The following GPRC5D variants were observed in gnomAD, a reference collection of about 807,000 sequenced individuals.
The protein encoded by GPRC5D is G protein-coupled receptor family C group 5 member D.
A neutral mutation model predicts 29.3 loss-of-function variants in GPRC5D; 20 were observed. The ratio of observed to expected loss-of-function variants is 0.68; its 90% CI spans 0.48 to 0.99. The LOEUF (loss-of-function observed/expected upper bound fraction) is 0.99. GPRC5D is among the 50% of genes least tolerant of loss of function. The pLI is 0.00. For synonymous variants in GPRC5D, 178 were observed against 171.3 expected (o/e 1.04, Z -0.30); for missense variants, 384 against 423.6 (o/e 0.91, Z 0.82).
chr12:12,949,974 A>G (rs1565480596), exon 1 of GPRC5D: 11 of 1,614,008 alleles, frequency 6.8e-6, no homozygotes, highest in Non-Finnish European at 9.3e-6. Context: ...TTTGCAACAG[A>G]CTGCAACCAA....
chr12:12,940,772 G>C (rs757604873), downstream of GPRC5D: 5 of 1,580,924 alleles, frequency 3.2e-6, no homozygotes, highest in East Asian at 1.1e-4. Flanking sequence ...GTTTCCTGTA[G>C]ATTTATACTC....
At chr12:12,951,997 A>G (rs1432934013), upstream of GPRC5D, 2 of 152,144 alleles carry the variant, frequency 1.3e-5, no homozygotes, top group African/African-American at 2.4e-5. Flanking sequence ...AAAAAAATCA[A>G]TTGCAATTGA....
intron 1 of GPRC5D, chr12:12,948,439 G>T (rs1244392820): frequency 1.9e-5 from 3 of 154,346 alleles, no homozygotes; most frequent in African/African-American, 7.2e-5. Context: ...ACTAGCCACA[G>T]ATTACAGCTC....
chr12:12,945,787 T>C (rs972966774), intron 1 of GPRC5D, among the ~76,000 whole-genome samples: 5 of 152,360 alleles, frequency 3.3e-5, no homozygotes, highest in Admixed American at 3.3e-4. Flanking sequence ...CCTAACAATA[T>C]GCTGAGCATG....
chr12:12,949,071 T>A (rs924445737), intron 1 of GPRC5D, among the ~76,000 whole-genome samples: 4 of 152,224 alleles, frequency 2.6e-5, no homozygotes, highest in African/African-American at 9.6e-5. Context: ...AAAATGTCCA[T>A]CACTGCTGCC....
At chr12:12,948,706 C>T (rs1428476960) in intron 1 of GPRC5D, 4 of 152,152 alleles carry the variant, frequency 2.6e-5, no homozygotes, top group Non-Finnish European at 4.4e-5. Flanking sequence ...GCCACTATTT[C>T]CCCCAGGTTG....
In GPRC5D at chr12:12,942,280, C is replaced by T. The variant is rs148322311; in HGVS notation, c.944G>A (p.Gly315Asp). The T allele has an allele frequency of 2.3e-4, 369 of 1,610,284 alleles. No individual in the cohort carries two copies. Among genetic ancestry groups the T allele is most frequent in the Non-Finnish European group, 3.0e-4 (348 of 1,176,482 alleles). The change falls in exon 2 of 3, where the codon GGT becomes GAT. Residue 315 changes from glycine (G) to aspartate (D), a missense_variant. Coordinates refer to ENST00000228887, the Ensembl canonical transcript of GPRC5D. ...ATTTACCTGCGGCTGAATGGGAGTA[C>T]CATATGAAGTTAATGCTACATCCTC...
chr12:12,950,383 A>T, exon 1 of GPRC5D: 1 of 1,593,706 alleles, frequency 6.3e-7, no homozygotes, highest in Non-Finnish European at 8.5e-7. Context: ...GTCCTTGTAC[A>T]TGGTGACTTA....
At chr12:12,945,007 CTTTCTCTCTTTCTT>C (rs1182233151) in intron 1 of GPRC5D, among the ~76,000 whole-genome samples, 1 of 143,774 alleles carries the variant, frequency 7.0e-6, no homozygotes, top group East Asian at 2.0e-4. Flanking sequence ...CTCTCTTTCT[CTTTCTCTCTTTCTT>C]TCTTTCGAGT....
chr12:12,944,786 TTCCTTCCTTCCTTCCC>T (rs1565476914), intron 1 of GPRC5D, among the ~76,000 whole-genome samples: 9 of 33,978 alleles, frequency 2.6e-4, no homozygotes, highest in Non-Finnish European at 7.1e-4. Context: ...CCTTCCTTCC[TTCCTTCCTTCCTTCCC>T]TTCCTTCCTT....
intron 1 of GPRC5D, among the ~76,000 whole-genome samples, chr12:12,944,821 CCTTCCTTCCTTCCTTCCTTCCTTCCT>C (rs1309654236): frequency 0.054 from 722 of 13,330 alleles, 51 homozygotes; most frequent in Non-Finnish European, 0.098. Flanking sequence ...TTCCTTCCTT[CCTTCCTTCCTTCCTTCCTTCCTTCCT>C]TCCTTCTTTC....
chr12:12,951,994 T>C (rs1863509175), upstream of GPRC5D: 1 of 151,722 alleles, frequency 6.6e-6, no homozygotes. Flanking sequence ...AAAAAAAAAA[T>C]CAATTGCAAT....
chr12:12,945,644 G>GATC (rs1364083022), intron 1 of GPRC5D, among the ~76,000 whole-genome samples: 4 of 152,058 alleles, frequency 2.6e-5, no homozygotes, highest in Admixed American at 6.6e-5. Context: ...ATAATCCCAG[G>GATC]ATCATGTAAA....
intron 1 of GPRC5D, among the ~76,000 whole-genome samples, chr12:12,945,521 G>A (rs1171927151): frequency 6.6e-6 from 1 of 151,880 alleles, no homozygotes; most frequent in Non-Finnish European, 1.5e-5. Context: ...TTATTTTGAA[G>A]GTTAGTTATC....
chr12:12,949,485 T>C lies in GPRC5D; in HGVS notation c.895+5A>G, dbSNP rs1459626491. On this transcript the variant is annotated splice_donor_5th_base_variant and intron_variant, in intron 1 of 2. Transcript: ENST00000228887. ...CCCTGCTCCCTGAATCCCCCAGGAA[T>C]GTACCTCTGGAGAGCTCCTGGTTCT... is the stretch of plus-strand genomic sequence containing the variant. The C allele has an allele frequency of 1.9e-6, 3 of 1,607,564 alleles. No homozygotes were observed. Among genetic ancestry groups the C allele is most frequent in the East Asian group, 2.2e-5 (1 of 44,762 alleles).
At chr12:12,950,468 C>T, upstream of GPRC5D, 1 of 932,560 alleles carries the variant, frequency 1.1e-6, no homozygotes, top group Non-Finnish European at 1.6e-6. Context: ...AACTCTGCAT[C>T]TCTTAGGTTG....
chr12:12,946,663 C>A (rs1863356421), intron 1 of GPRC5D, among the ~76,000 whole-genome samples: 1 of 151,964 alleles, frequency 6.6e-6, no homozygotes, highest in Non-Finnish European at 1.5e-5. Context: ...CCCTGTTGGA[C>A]AGGCTGGTCT....
exon 1 of GPRC5D, chr12:12,950,340 G>A (rs147162656): frequency 3.5e-5 from 56 of 1,612,002 alleles, no homozygotes; most frequent in Non-Finnish European, 4.6e-5. Context: ...CGGCGTCACA[G>A]AGAAGAAAAT....
chr12:12,940,934 C>T (rs896785218), intron 2 of GPRC5D, 85 bp from the exon 4 acceptor site: 5 of 900,008 alleles, frequency 5.6e-6, no homozygotes, highest in Non-Finnish European at 9.2e-6. Flanking sequence ...TTTTTTGAGA[C>T]AGAGTCTTGC....
Sources: allele counts gnomAD v4.1 joint callset (sites outside exome capture counted in the v4.1 genomes callset), GRCh38; gene constraint gnomAD v4.1.1; transcripts MANE v1.5; gene names NCBI Gene and HGNC (gene_info 2026-07-23, HGNC 2026-07-21).